The following TOGARAM1 variants were observed in gnomAD, a reference collection of about 807,000 sequenced individuals.
TOGARAM1 encodes the protein TOG array regulator of axonemal microtubules 1.
TOGARAM1 carries 100 observed loss-of-function variants against 166.6 expected under a neutral mutation model. The observed-to-expected ratio is 0.60, with a 90% CI of 0.51 to 0.71. The LOEUF is 0.71. Among genes scored for constraint, TOGARAM1 ranks in the 30% least tolerant of loss-of-function variants. The pLI, the probability that TOGARAM1 is intolerant of heterozygous loss-of-function variation, is 0.00. For synonymous variants in TOGARAM1, 758 were observed against 763.8 expected (o/e 0.99, Z 0.13); for missense variants, 2,029 against 2,102.7 (o/e 0.96, Z 0.69).
intron 1 of TOGARAM1, among the ~76,000 whole-genome samples, chr14:44,981,002 G>C (rs77486224): frequency 1.3e-5 from 2 of 152,160 alleles, no homozygotes; most frequent in East Asian, 1.9e-4. Context: ...GGATGCAAGA[G>C]ATATTTCAAA....
chr14:45,073,072 C>G (rs1883451370), intron 19 of TOGARAM1, among the ~76,000 whole-genome samples: 1 of 152,072 alleles, frequency 6.6e-6, no homozygotes, highest in Non-Finnish European at 1.5e-5. Context: ...CTCTCCTTAC[C>G]ACTTTTGCAT....
At chr14:45,029,026 G>C (rs1371346407) in intron 10 of TOGARAM1, among the ~76,000 whole-genome samples, 2 of 152,060 alleles carry the variant, frequency 1.3e-5, no homozygotes, top group Non-Finnish European at 1.5e-5. Context: ...AAATAAAAAA[G>C]ATTTAACCTA....
Position 44,995,786 on chromosome 14 carries a change from T to G in TOGARAM1, c.2087T>G (p.Leu696Arg), listed in dbSNP as rs781268924. The change falls in exon 2 of 20, where the codon CTT (leucine) becomes CGT (arginine). Residue 696 changes from leucine to arginine, a missense_variant. By Grantham distance (102) the Leu-to-Arg change is moderately radical. Coordinates refer to ENST00000361462, the MANE Select transcript of TOGARAM1 (RefSeq NM_001308120.2). The part of the protein sequence containing the change: ...YDFIPSAKLK[L>R]SQGMPVNDDL... Reference sequence around the variant, plus strand: ...TTCATCCCATCTGCAAAATTAAAGCTTTCTCAAGGAATGCCAGTCAATGAT... The same window carrying G: ...TTCATCCCATCTGCAAAATTAAAGCGTTCTCAAGGAATGCCAGTCAATGAT... The G allele has an allele frequency of 6.3e-7, 1 of 1,595,960 alleles. No homozygotes were observed. The highest frequency in any genetic ancestry group is 1.8e-5 in the Admixed American group (1 of 56,226).
chr14:44,991,446 G>A (rs1316719210), intron 1 of TOGARAM1, among the ~76,000 whole-genome samples: 1 of 152,100 alleles, frequency 6.6e-6, no homozygotes, highest in African/African-American at 2.4e-5. Flanking sequence ...TCCATCAAAG[G>A]AGAGTGGCAC....
intron 7 of TOGARAM1, among the ~76,000 whole-genome samples, chr14:45,013,961 T>A (rs1879962046): frequency 6.6e-6 from 1 of 152,080 alleles, no homozygotes; most frequent in South Asian, 2.1e-4. Context: ...TGGGAGTCAT[T>A]TAAGTTTTAG....
At chr14:45,022,124 A>G (rs1442840842) in intron 7 of TOGARAM1, among the ~76,000 whole-genome samples, 1 of 151,830 alleles carries the variant, frequency 6.6e-6, no homozygotes, top group Non-Finnish European at 1.5e-5. Flanking sequence ...GATATTGTAT[A>G]CCTGACATCT....
intron 1 of TOGARAM1, among the ~76,000 whole-genome samples, chr14:44,971,847 C>T (rs1885901348): frequency 6.6e-6 from 1 of 152,156 alleles, no homozygotes. Context: ...GGTTTTCCAT[C>T]TGTATTCTGT....
chr14:45,004,244 A>C lies in TOGARAM1; in HGVS notation c.2522A>C (p.Gln841Pro). The C allele has an allele frequency of 1.2e-6, 2 of 1,614,030 alleles. No individual in the cohort carries two copies. Among genetic ancestry groups the C allele is most frequent in the Non-Finnish European group, 1.7e-6 (2 of 1,179,922 alleles). ...CTTATTATATCTCCAAAGAAGTCTC[A>C]AGATAATTCTGTTAATTTCTCAAAT... ...SPLIISPKKS[Q>P]DNSVNFSNSW... Residue 841 changes from glutamine to proline, a missense_variant, in exon 4 of 20, where the codon CAA (glutamine) becomes CCA (proline). Around this residue, in one of 2 missense-constraint regions of TOGARAM1, gnomAD observed 1,453 missense variants for 1,432.2 expected, o/e 1.01. Transcript: ENST00000361462.
chr14:44,988,818 G>T (rs770137864), intron 1 of TOGARAM1, among the ~76,000 whole-genome samples: 4 of 152,232 alleles, frequency 2.6e-5, no homozygotes, highest in Non-Finnish European at 5.9e-5. Context: ...GAAGCCAGCT[G>T]CCATGTCTTG....
chr14:45,015,241 G>A (rs1446063393), intron 7 of TOGARAM1, among the ~76,000 whole-genome samples: 1 of 151,942 alleles, frequency 6.6e-6, no homozygotes, highest in African/African-American at 2.4e-5. Flanking sequence ...GGAGGTTGAA[G>A]CTGCAGAGAG....
At chr14:45,017,555 C>T (rs940988400) in intron 7 of TOGARAM1, among the ~76,000 whole-genome samples, 5 of 152,164 alleles carry the variant, frequency 3.3e-5, no homozygotes, top group Non-Finnish European at 7.3e-5. Context: ...TATAATTTTC[C>T]TGTGGTAGAA....
chr14:44,987,016 AAAAG>A (rs1886851440), intron 1 of TOGARAM1, among the ~76,000 whole-genome samples: 1 of 151,690 alleles, frequency 6.6e-6, no homozygotes, highest in African/African-American at 2.4e-5. Context: ...AAAAAAAAAA[AAAAG>A]AAAGAAAAAA....
At position 44,964,027 on chromosome 14, in the gene TOGARAM1, G is replaced by A; in HGVS notation, c.1606G>A (p.Val536Ile). Residue 536 changes from valine (V) to isoleucine (I), a missense_variant, in exon 1 of 20, where the codon GTA becomes ATA. By Grantham distance (29) the Val-to-Ile change is conservative. Transcript: ENST00000361462. ...CCAAGCAGCTTTAGAAGCTTTTGCC[G>A]TATTGGCATCATCAATGGGCTCAGG... is the stretch of plus-strand genomic sequence containing the variant. Reference protein sequence around the residue: ...VRQAALEAFAVLASSMGSGKT... With the variant: ...VRQAALEAFAILASSMGSGKT... 6.2e-7 allele frequency: 1 copy of A among 1,614,156 alleles called. No individual in the cohort carries two copies.
At chr14:45,012,956 A>G (rs577538142) in intron 7 of TOGARAM1, among the ~76,000 whole-genome samples, 12 of 152,264 alleles carry the variant, frequency 7.9e-5, no homozygotes, top group African/African-American at 2.9e-4. Flanking sequence ...ACTTACTTTG[A>G]AACTGTTCCC....
At chr14:44,987,109 A>G (rs1457246562) in intron 1 of TOGARAM1, among the ~76,000 whole-genome samples, 2 of 151,688 alleles carry the variant, frequency 1.3e-5, no homozygotes, top group Non-Finnish European at 2.9e-5. Context: ...CACCCGGCTA[A>G]TTTTTTGTAT....
chr14:45,054,465 C>G lies in TOGARAM1; in HGVS notation c.4475C>G (p.Ala1492Gly). 6.2e-7 allele frequency: 1 copy of G among 1,613,160 alleles called. No homozygotes were observed. Among genetic ancestry groups the G allele is most frequent in the Non-Finnish European group, 8.5e-7 (1 of 1,179,486 alleles). ...LGEIPLDTPSAKGRRSHTGSV... is the reference protein window; with the variant it reads ...LGEIPLDTPSGKGRRSHTGSV... ...GAGATACCATTAGATACTCCTTCAGCAAAAGGAAGACGATCTCATACTGGC... is the reference window on the plus strand; with the variant it reads ...GAGATACCATTAGATACTCCTTCAGGAAAAGGAAGACGATCTCATACTGGC... The change falls in exon 16 of 20, where the codon GCA becomes GGA. Residue 1492 changes from alanine (A) to glycine (G), a missense_variant. Coordinates refer to ENST00000361462, the MANE Select transcript of TOGARAM1 (RefSeq NM_001308120.2).
Position 45,039,825 on chromosome 14 carries a change from C to A in TOGARAM1, c.3813-3861C>A, listed in dbSNP as rs576935618. 3.3e-5 allele frequency among the ~76,000 whole-genome samples: 5 copies of A among 152,260 alleles called. No homozygotes were observed. The South Asian group carries it at 1.0e-3, about 32-fold the overall frequency. ...TGCACCCAGGAGGTCAGGGCTCCTA[C>A]CCCTTCTACTCAGACGGGGGCATGG... On this transcript the variant is annotated intron_variant, in intron 11 of 19. Transcript: ENST00000361462.
chr14:45,052,207 A>G (rs10131349), intron 14 of TOGARAM1, among the ~76,000 whole-genome samples: 7,071 of 152,292 alleles, frequency 0.046, 536 homozygotes, highest in African/African-American at 0.16. Flanking sequence ...TCACACTATT[A>G]TAAAGTTGAA....
Position 45,027,378 on chromosome 14 carries a change from T to A in TOGARAM1, c.3408T>A (p.Phe1136Leu). Residue 1136 changes from phenylalanine (F) to leucine (L), a missense_variant, in exon 9 of 20, where the codon TTT (phenylalanine) becomes TTA (leucine). Physicochemically the swap from Phe to Leu is conservative, Grantham distance 22 (BLOSUM62 0). Around this residue, in one of 2 missense-constraint regions of TOGARAM1, gnomAD observed 1,453 missense variants for 1,432.2 expected, o/e 1.01. Transcript: ENST00000361462. ...CTTCTGTGGAAAATGGGGATACATT[T>A]TCAATTAAACAAAGTATTGAACCAC... ...VISSVENGDT[F>L]SIKQSIEPPS... The A allele has an allele frequency of 1.2e-6, 2 of 1,613,766 alleles. No individual in the cohort carries two copies. Among genetic ancestry groups the A allele is most frequent in the East Asian group, 2.2e-5 (1 of 44,820 alleles).
Sources: allele counts gnomAD v4.1 joint callset (sites outside exome capture counted in the v4.1 genomes callset), GRCh38; gene constraint gnomAD v4.1.1; regional missense constraint gnomAD v4.1.1; transcripts MANE v1.5; gene names NCBI Gene and HGNC (gene_info 2026-07-23, HGNC 2026-07-21).